The following ALDH2 variants were observed in gnomAD, a reference collection of about 807,000 sequenced individuals.
ALDH2 encodes aldehyde dehydrogenase 2 family member.
Under a neutral mutation model 59.6 loss-of-function variants are expected in ALDH2, and 44 were observed. That is an observed-to-expected ratio of 0.74 (90% CI 0.58 to 0.95). The LOEUF (loss-of-function observed/expected upper bound fraction) is 0.95. Ranked by LOEUF, ALDH2 falls within the 40% of genes least tolerant of loss-of-function variation. ALDH2 has a pLI of 0.00. For synonymous variants in ALDH2, 291 were observed against 284.0 expected (o/e 1.02, Z -0.25); for missense variants, 570 against 696.3 (o/e 0.82, Z 2.04).
Position 111,782,002 on chromosome 12 carries a change from C to T in ALDH2, c.199C>T (p.Gln67Ter), listed in dbSNP as rs1415509427. The T allele has an allele frequency of 6.2e-7, 1 of 1,613,724 alleles. No homozygotes were observed. Among genetic ancestry groups the T allele is most frequent in the Non-Finnish European group, 8.5e-7 (1 of 1,179,800 alleles). Residue 67 changes from glutamine to a stop codon, truncating the protein, a stop_gained, in exon 2 of 13, where the codon CAG (glutamine) becomes TAG (stop). Transcript: ENST00000261733. LOFTEE classifies it high-confidence loss of function. ...VNPSTGEVIC[Q>*]VAEGDKEDVD... ...TCCGTCCACTGGAGAGGTCATCTGT[C>T]AGGTAGCTGAAGGGGACAAGGTGAG...
At chr12:111,808,387 A>T (rs985602480) in intron 12 of ALDH2, among the ~76,000 whole-genome samples, 1 of 152,150 alleles carries the variant, frequency 6.6e-6, no homozygotes, top group African/African-American at 2.4e-5. Flanking sequence ...TGCATAAATC[A>T]TATCTCAAGA....
chr12:111,780,362 T>G (rs2068263043), intron 1 of ALDH2, among the ~76,000 whole-genome samples: 1 of 152,188 alleles, frequency 6.6e-6, no homozygotes, highest in Non-Finnish European at 1.5e-5. Flanking sequence ...GGAACCGTCT[T>G]GGGACCCGCC....
chr12:111,800,933 A>G (rs142437288), intron 11 of ALDH2, among the ~76,000 whole-genome samples: 3 of 152,344 alleles, frequency 2.0e-5, no homozygotes, highest in African/African-American at 4.8e-5. Flanking sequence ...GTCCGTCTGT[A>G]GATGAATGGA....
chr12:111,792,800 G>T lies in ALDH2; in HGVS notation c.1083+18G>T, dbSNP rs554638363. ...GGCCGCAGGTGAGCCAGGCAGTGCCGCAGGGTCTGGGTGTCTAGAGCCAGC... is the reference window on the plus strand; with the variant it reads ...GGCCGCAGGTGAGCCAGGCAGTGCCTCAGGGTCTGGGTGTCTAGAGCCAGC... On this transcript the variant is annotated intron_variant, in intron 9 of 12. Transcript: ENST00000261733. The T allele has an allele frequency of 2.6e-6, 4 of 1,542,318 alleles. No homozygotes were observed. Among genetic ancestry groups the T allele is most frequent in the African/African-American group, 2.7e-5 (2 of 72,964 alleles).
intron 4 of ALDH2, among the ~76,000 whole-genome samples, chr12:111,787,707 C>A (rs1305271670): frequency 6.6e-6 from 1 of 151,988 alleles, no homozygotes; most frequent in African/African-American, 2.4e-5. Flanking sequence ...ACCAGCCTGG[C>A]CAACATGATG....
chr12:111,799,980 G>C lies in ALDH2; in HGVS notation c.1323G>C (p.Thr441=), dbSNP rs141556759. The C allele has an allele frequency of 1.1e-5, 17 of 1,613,996 alleles. No homozygotes were observed. The highest frequency in any genetic ancestry group is 1.1e-5 in the Non-Finnish European group (13 of 1,179,976). Residue 441 remains threonine (T), a synonymous_variant, in exon 11 of 13, where the codon ACG becomes ACC. Transcript: ENST00000261733. ...EEVVGRANNS[T]YGLAAAVFTK... is the part of the protein sequence containing the mutation. ...TTGTTGGGAGAGCCAACAATTCCACGTACGGGCTGGCCGCAGCTGTCTTCA... is the reference window on the plus strand; with the variant it reads ...TTGTTGGGAGAGCCAACAATTCCACCTACGGGCTGGCCGCAGCTGTCTTCA...
At chr12:111,767,170 C>T (rs2068165488) in intron 1 of ALDH2, 74 bp downstream of exon 1, 2 of 1,221,498 alleles carry the variant, frequency 1.6e-6, no homozygotes, top group Admixed American at 3.2e-5. Flanking sequence ...AGGCCCCGCG[C>T]CGCCGTGGGC....
intron 3 of ALDH2, among the ~76,000 whole-genome samples, chr12:111,784,630 T>A (rs751088753): frequency 7.2e-5 from 11 of 152,140 alleles, no homozygotes; most frequent in South Asian, 2.1e-4. Context: ...TATTATTATT[T>A]TTTGAGATGG....
At chr12:111,809,423 C>A in intron 12 of ALDH2, 120 bp from the exon 13 acceptor site, 1 of 1,076,734 alleles carries the variant, frequency 9.3e-7, no homozygotes, top group South Asian at 1.4e-5. Flanking sequence ...CCCTGTACTC[C>A]AGTCTGGGGA....
In ALDH2 at chr12:111,792,106, A is replaced by C; in HGVS notation, c.841A>C (p.Arg281=). The C allele has an allele frequency of 6.2e-7, 1 of 1,609,350 alleles. No homozygotes were observed. The highest frequency in any genetic ancestry group is 8.5e-7 in the Non-Finnish European group (1 of 1,178,932). The change falls in exon 8 of 13, where the codon AGA becomes CGA. Residue 281 remains arginine, a synonymous_variant. Coordinates refer to ENST00000261733, the MANE Select transcript of ALDH2 (RefSeq NM_000690.4). The stretch of plus-strand genomic sequence containing the variant: ...TGCTGCTGGGAGCAGCAACCTCAAG[A>C]GAGTGACCTTGGAGCTGGGGGGGAA... The part of the protein sequence containing the change: ...QVAAGSSNLK[R]VTLELGGKSP...
At chr12:111,773,603 G>A (rs2068216826) in intron 1 of ALDH2, among the ~76,000 whole-genome samples, 1 of 152,174 alleles carries the variant, frequency 6.6e-6, no homozygotes, top group Non-Finnish European at 1.5e-5. Context: ...TTCACATTAA[G>A]TATAACTAAG....
intron 4 of ALDH2, among the ~76,000 whole-genome samples, chr12:111,785,753 C>T (rs2068304590): frequency 6.6e-6 from 1 of 152,050 alleles, no homozygotes; most frequent in Non-Finnish European, 1.5e-5. Flanking sequence ...GAATAAATTA[C>T]AAAAATTCAA....
rs766265612 is a variant in ALDH2, at chr12:111,783,329, C to G, written c.360+31C>G. On this transcript the variant is annotated intron_variant, in intron 3 of 12. Transcript: ENST00000261733. ...TCCTCAGCCCTTCTCCCCCTCAGAT[C>G]CCATGTGGTGAATAGGCTCGCAGCA... is the stretch of plus-strand genomic sequence containing the variant. The G allele has an allele frequency of 3.2e-6, 5 of 1,578,176 alleles. No individual in the cohort carries two copies. The East Asian group carries it at 9.1e-5, about 29-fold the overall frequency.
At chr12:111,773,926 T>G (rs1219358707) in intron 1 of ALDH2, among the ~76,000 whole-genome samples, 1 of 152,190 alleles carries the variant, frequency 6.6e-6, no homozygotes, top group Non-Finnish European at 1.5e-5. Context: ...AAGGGTTGCT[T>G]AATGAGAACC....
chr12:111,813,861 T>C lies in ALDH2; in HGVS notation c.*4286T>C, dbSNP rs1018716386. ...GGGTGCCCTTTTGGGGTGATGAAAA[T>C]GTTTTGGAACCAGATACAGGTGGTG... On this transcript the variant is annotated 3_prime_UTR_variant, in exon 13 of 13. Coordinates refer to ENST00000261733, the MANE Select transcript of ALDH2 (RefSeq NM_000690.4). 8 of 152,114 alleles carry C rather than the reference T, an allele frequency of 5.3e-5. No homozygotes were observed. The highest frequency in any genetic ancestry group is 1.2e-4 in the Non-Finnish European group (8 of 68,046). 9.4% of individuals were successfully genotyped at this position (152,114 alleles called of 1,614,324 possible). A position where few individuals can be genotyped will look rare whatever the true frequency, so the allele number is the denominator to read the frequency against.
At chr12:111,775,775 T>A in intron 1 of ALDH2, 3 of 426,166 alleles carry the variant, frequency 7.0e-6, no homozygotes, top group South Asian at 5.0e-5. Context: ...TGGCCCAGAG[T>A]CTGGCCTGGT....
At position 111,789,832 on chromosome 12, in the gene ALDH2, C is replaced by A. The variant is rs372921830; in HGVS notation, c.450C>A (p.Ala150=). The change falls in exon 5 of 13, where the codon GCC becomes GCA. Residue 150 remains alanine (A), a synonymous_variant. Transcript: ENST00000261733. The part of the protein sequence containing the change: ...DMVLKCLRYY[A]GWADKYHGKT... ...GTTTCTTTGTTTAAAGGTATTATGC[C>A]GGCTGGGCTGATAAGTACCACGGGA... The A allele has an allele frequency of 1.5e-5, 25 of 1,613,804 alleles. No individual in the cohort carries two copies. Among genetic ancestry groups the A allele is most frequent in the Non-Finnish European group, 2.0e-5 (24 of 1,179,836 alleles).
chr12:111,809,970 G>C lies in ALDH2; in HGVS notation c.*395G>C. 3.8e-6 allele frequency: 1 copy of C among 263,436 alleles called. No homozygotes were observed. The highest frequency in any genetic ancestry group is 7.3e-6 in the Non-Finnish European group (1 of 136,614). 16.3% of individuals were successfully genotyped at this position (263,436 alleles called of 1,614,324 possible). On this transcript the variant is annotated 3_prime_UTR_variant, in exon 13 of 13. Coordinates refer to ENST00000261733, the MANE Select transcript of ALDH2 (RefSeq NM_000690.4). ...CTGGGCTAAGATTCATTAAAAACTA[G>C]CTGCTCTTAACTTACTGGGTAACTC...
intron 1 of ALDH2, among the ~76,000 whole-genome samples, chr12:111,781,066 G>A (rs1157004808): frequency 2.0e-5 from 3 of 151,984 alleles, no homozygotes; most frequent in Admixed American, 6.6e-5. Flanking sequence ...CCATGATCAC[G>A]CCACTGCACT....
Sources: allele counts gnomAD v4.1 joint callset (sites outside exome capture counted in the v4.1 genomes callset), GRCh38; gene constraint gnomAD v4.1.1; transcripts MANE v1.5; gene names NCBI Gene and HGNC (gene_info 2026-07-23, HGNC 2026-07-21).